Variants in IGSF1 observed in about 807,000 individuals in gnomAD.
IGSF1 encodes the protein immunoglobulin superfamily member 1.
IGSF1 carries 40 observed loss-of-function variants against 95.3 expected under a neutral mutation model. That is an observed-to-expected ratio of 0.42 (90% confidence interval 0.33 to 0.55). IGSF1 has a LOEUF of 0.55. IGSF1 is among the 20% of genes least tolerant of loss of function. The pLI is 0.10. For synonymous variants in IGSF1, 372 were observed against 382.9 expected (o/e 0.97, Z 0.33); for missense variants, 906 against 1,025.4 (o/e 0.88, Z 1.59).
At chrX:131,287,999 C>T (rs1378531271) in intron 1 of IGSF1, among the ~76,000 whole-genome samples, 1 of 111,930 alleles carries the variant, frequency 8.9e-6, no homozygotes, top group African/African-American at 3.2e-5. Context: ...CAGCCTCAAA[C>T]TTGCCCCAGT....
chrX:131,276,900 G>T, intron 14 of IGSF1, 39 bp downstream of exon 14: 1 of 1,174,768 alleles, frequency 8.5e-7, no homozygotes, highest in Non-Finnish European at 1.2e-6. Context: ...CACCATCCCA[G>T]GGTTGGCACC....
At chrX:131,285,527 C>G (rs2080622696) in intron 4 of IGSF1, 61 bp from the exon 5 acceptor site, 1 of 1,080,855 alleles carries the variant, frequency 9.3e-7, no homozygotes, top group African/African-American at 1.8e-5. Flanking sequence ...TAGGGAGCAG[C>G]AGAGGAGAGC....
Position 131,274,884 on chromosome X carries a change from C to A in IGSF1, c.3473-7G>T. On this transcript the variant is annotated splice_polypyrimidine_tract_variant and splice_region_variant and intron_variant, in intron 17 of 19. Coordinates refer to ENST00000361420, the MANE Select transcript of IGSF1 (RefSeq NM_001555.5). Reference sequence around the variant, plus strand: ...GAGGGTTTAGGGGGCTTATCTGCAACCAACAAGGACACAGAGTTAAAAGAA... The same window carrying A: ...GAGGGTTTAGGGGGCTTATCTGCAAACAACAAGGACACAGAGTTAAAAGAA... 8.3e-7 allele frequency: 1 copy of A among 1,208,610 alleles called. No homozygotes were observed. Among genetic ancestry groups the A allele is most frequent in the Admixed American group, 2.2e-5 (1 of 45,797 alleles).
chrX:131,279,184 G>A lies in IGSF1; in HGVS notation c.1718-9C>T, dbSNP rs2080518813. 1 of 1,211,263 alleles carries A rather than the reference G, an allele frequency of 8.3e-7. No homozygotes were observed. Among genetic ancestry groups the A allele is most frequent in the East Asian group, 3.0e-5 (1 of 33,811 alleles). On this transcript the variant is annotated splice_polypyrimidine_tract_variant and intron_variant, in intron 10 of 19. Transcript: ENST00000361420. Reference sequence around the variant, plus strand: ...TACCCCATTGCACAGTCCTGCAAAAGAAATTGCTGCCAGGACTCGGCCCCC... The same window carrying A: ...TACCCCATTGCACAGTCCTGCAAAAAAAATTGCTGCCAGGACTCGGCCCCC...
In IGSF1 at chrX:131,281,220, G is replaced by A. The variant is rs1442573761; in HGVS notation, c.1644C>T (p.Ile548=). Residue 548 remains isoleucine, a splice_region_variant and synonymous_variant, in exon 9 of 20, where the codon ATC becomes ATT. Transcript: ENST00000361420. ...WIRWKCRRLR[I]REAWLLGTAQ... ...GGGGGCTGGGACAAGACAGTTACCTGATTCTGAGTCTCCGACACTTCCACC... is the reference window on the plus strand; with the variant it reads ...GGGGGCTGGGACAAGACAGTTACCTAATTCTGAGTCTCCGACACTTCCACC... The A allele has an allele frequency of 2.5e-6, 3 of 1,211,010 alleles. No homozygotes were observed. The highest frequency in any genetic ancestry group is 3.4e-6 in the Non-Finnish European group (3 of 894,964).
Position 131,273,688 on chromosome X carries a change from G to A in IGSF1, c.*108C>T. 1.3e-6 allele frequency: 1 copy of A among 786,271 alleles called. No individual in the cohort carries two copies. Among genetic ancestry groups the A allele is most frequent in the Non-Finnish European group, 1.9e-6 (1 of 539,759 alleles). 64.8% of individuals were successfully genotyped at this position (786,271 alleles called of 1,213,427 possible). A position where few individuals can be genotyped will look rare whatever the true frequency, so the allele number is the denominator to read the frequency against. ...CCCCTTTACCCAGCTCAGGTGATTA[G>A]AGACCAAGGAACAGCAGATGGGGCT... On this transcript the variant is annotated 3_prime_UTR_variant, in exon 20 of 20. Coordinates refer to ENST00000361420, the MANE Select transcript of IGSF1 (RefSeq NM_001555.5).
At chrX:131,281,101 A>G in intron 9 of IGSF1, 117 bp downstream of exon 9, 6 of 827,310 alleles carry the variant, frequency 7.3e-6, no homozygotes, top group Non-Finnish European at 1.1e-5. Flanking sequence ...TTGTTCCCTA[A>G]GCCCAGAAGA....
intron 9 of IGSF1, 82 bp downstream of exon 9, chrX:131,281,136 T>C (rs1295972776): frequency 9.1e-7 from 1 of 1,093,350 alleles, no homozygotes; most frequent in Non-Finnish European, 1.3e-6. Flanking sequence ...GGTTTGCCTC[T>C]GTGGCTTGTC....
intron 1 of IGSF1, among the ~76,000 whole-genome samples, chrX:131,287,368 A>G (rs1455872088): frequency 9.1e-6 from 1 of 110,012 alleles, no homozygotes; most frequent in Non-Finnish European, 1.9e-5. Flanking sequence ...ATGGATCTAA[A>G]ACAATGATTT....
chrX:131,275,325 C>T, intron 16 of IGSF1, 39 bp from the exon 17 acceptor site: 1 of 1,179,775 alleles, frequency 8.5e-7, no homozygotes, highest in Non-Finnish European at 1.2e-6. Flanking sequence ...GAAGAGGTCA[C>T]TTTCCAGTGC....
chrX:131,279,111 G>A (rs764909406), intron 11 of IGSF1, 32 bp downstream of exon 11: 1 of 1,159,066 alleles, frequency 8.6e-7, no homozygotes, highest in African/African-American at 1.8e-5. Context: ...CTCCAGGGAG[G>A]AATGTCCCAG....
intron 8 of IGSF1, 74 bp downstream of exon 8, chrX:131,281,592 C>T (rs1297828936): frequency 9.2e-7 from 1 of 1,091,878 alleles, no homozygotes; most frequent in African/African-American, 1.9e-5. Flanking sequence ...ACTCCCTTTC[C>T]CATATCTTTC....
At chrX:131,273,981 A>G in intron 19 of IGSF1, 50 bp from the exon 20 acceptor site, 2 of 1,202,879 alleles carry the variant, frequency 1.7e-6, no homozygotes, top group South Asian at 1.8e-5. Context: ...AACTGAAAAC[A>G]GATTGCACGG....
chrX:131,273,801 T>G lies in IGSF1; in HGVS notation c.4006A>C (p.Ile1336Leu), dbSNP rs139882934. 3 of 1,204,912 alleles carry G rather than the reference T, an allele frequency of 2.5e-6. No individual in the cohort carries two copies. In the African/African-American group the frequency reaches 5.3e-5, roughly 21 times the overall value. The change falls in exon 20 of 20, where the codon ATA (isoleucine) becomes CTA (leucine). Residue 1336 changes from isoleucine to leucine, a missense_variant. Physicochemically the swap from Ile to Leu is conservative, Grantham distance 5. This residue lies in a region of IGSF1 where 411 missense variants were observed against 494.9 expected (regional missense o/e 0.83). Transcript: ENST00000361420. ...TCTTGTAAAGGAGGAGATTATTATATTGGAACGGGCAGTTCCACAGAGATT... is the reference window on the plus strand; with the variant it reads ...TCTTGTAAAGGAGGAGATTATTATAGTGGAACGGGCAGTTCCACAGAGATT... Reference protein sequence around the residue: ...QRISVELPVPI With the variant: ...QRISVELPVPL
rs369648621 is a variant in IGSF1 at position 131,286,442 on chromosome X, G to C, written c.92C>G (p.Ser31Ter). Residue 31 changes from serine (S) to a stop codon, truncating the protein, a stop_gained, in exon 3 of 20, where the codon TCA (serine) becomes TGA (stop). Coordinates refer to ENST00000361420, the MANE Select transcript of IGSF1 (RefSeq NM_001555.5). LOFTEE classifies it high-confidence loss of function. ...FCIRMSLGMT[S>*]IVMDPQPELW... is the part of the protein sequence containing the mutation. ...AGAGGGCAGGACTCACTTACCTATTGATGTCATACCCAGACTCATCCCTGA... is the reference window on the plus strand; with the variant it reads ...AGAGGGCAGGACTCACTTACCTATTCATGTCATACCCAGACTCATCCCTGA... 3.3e-6 allele frequency: 4 copies of C among 1,200,410 alleles called. No individual in the cohort carries two copies. The Admixed American group carries it at 8.7e-5, about 26-fold the overall frequency.
At chrX:131,283,488 G>A (rs1255634741) in intron 5 of IGSF1, among the ~76,000 whole-genome samples, 1 of 111,273 alleles carries the variant, frequency 9.0e-6, no homozygotes, top group African/African-American at 3.3e-5. Flanking sequence ...CTCTAACCAT[G>A]TGTAGGGGTG....
chrX:131,284,669 G>A, intron 5 of IGSF1: 1 of 748,746 alleles, frequency 1.3e-6, no homozygotes, highest in Non-Finnish European at 1.6e-6. Context: ...GAACCAAGGT[G>A]ATTTATAAAG....
rs6529473 is a variant in IGSF1 at position 131,274,771 on chromosome X, G to A, written c.3579C>T (p.Val1193=). The change falls in exon 18 of 20, where the codon GTC becomes GTT. Residue 1193 remains valine, a synonymous_variant. Transcript: ENST00000361420. ...CRGPLPGVEF[V]LEHDGEEAPQ... ...GTGCTTCTTCTCCATCATGTTCTAG[G>A]ACAAATTCAACACCTGGCAGGGGTC... is the stretch of plus-strand genomic sequence containing the variant. 322,261 of 1,208,393 alleles carry A rather than the reference G, an allele frequency of 0.27. 34,544 individuals carry two copies. Among genetic ancestry groups the A allele is most frequent in the East Asian group, 0.82 (27,497 of 33,676 alleles).
At position 131,282,613 on chromosome X, in the gene IGSF1, T is replaced by G; in HGVS notation, c.1077A>C (p.Glu359Asp). The stretch of plus-strand genomic sequence containing the variant: ...CATCCAAAAATTGAAGTGGTTTGTC[T>G]TCTCCTTTCTTATAGAGTGCAAGAC... ...GVGLALYKKGEDKPLQFLDAT... is the reference protein window; with the variant it reads ...GVGLALYKKGDDKPLQFLDAT... The change falls in exon 7 of 20, where the codon GAA (glutamate) becomes GAC (aspartate). Residue 359 changes from glutamate to aspartate, a missense_variant. Coordinates refer to ENST00000361420, the MANE Select transcript of IGSF1 (RefSeq NM_001555.5). 5.8e-6 allele frequency: 7 copies of G among 1,210,735 alleles called. No homozygotes were observed. The highest frequency in any genetic ancestry group is 7.8e-6 in the Non-Finnish European group (7 of 894,831).
Sources: gnomAD v4.1 joint callset for allele counts (sites outside exome capture counted in the v4.1 genomes callset) on GRCh38, gnomAD v4.1.1 for gene constraint, gnomAD v4.1.1 regional missense constraint, MANE v1.5 for transcripts, NCBI Gene and HGNC (gene_info 2026-07-23, HGNC 2026-07-21) for gene names.